Variants in PLCXD3 observed in about 807,000 individuals in gnomAD.
The protein encoded by PLCXD3 is phosphatidylinositol specific phospholipase C X domain containing 3, also known as PI-PLC X domain-containing protein 3.
Under a neutral mutation model 25.5 loss-of-function variants are expected in PLCXD3, and 19 were observed. The observed-to-expected ratio is 0.75, with a 90% CI of 0.52 to 1.09. The LOEUF (loss-of-function observed/expected upper bound fraction) is 1.09, where lower values mean the gene tolerates loss of function less well. Among genes scored for constraint, PLCXD3 ranks in the 50% least tolerant of loss-of-function variants. PLCXD3 has a pLI of 0.00. For synonymous variants in PLCXD3, 174 were observed against 137.6 expected (o/e 1.26, Z -1.85); for missense variants, 411 against 388.1 (o/e 1.06, Z -0.50).
chr5:41,435,901 C>T (rs926770537), intron 1 of PLCXD3, among the ~76,000 whole-genome samples: 2 of 152,194 alleles, frequency 1.3e-5, no homozygotes, highest in African/African-American at 2.4e-5. Context: ...CCTCTGTGGC[C>T]TCATAGCCCT....
chr5:41,405,774 T>G (rs1246163007), intron 1 of PLCXD3, among the ~76,000 whole-genome samples: 1 of 151,976 alleles, frequency 6.6e-6, no homozygotes, highest in Admixed American at 6.6e-5. Context: ...TATTTGTTTG[T>G]TTTGTTTTGT....
At chr5:41,327,898 C>T (rs6897476) in intron 2 of PLCXD3, among the ~76,000 whole-genome samples, 18,728 of 151,998 alleles carry the variant, frequency 0.12, 1,239 homozygotes, top group Middle Eastern at 0.13. Context: ...CTCGAACTCC[C>T]GGACTCAAGC....
At chr5:41,495,698 A>G (rs1474091579) in intron 1 of PLCXD3, among the ~76,000 whole-genome samples, 2 of 152,242 alleles carry the variant, frequency 1.3e-5, no homozygotes, top group African/African-American at 4.8e-5. Flanking sequence ...GGCCTAGAGA[A>G]GACACATCAC....
At chr5:41,487,308 C>A (rs539093471) in intron 1 of PLCXD3, among the ~76,000 whole-genome samples, 1 of 152,090 alleles carries the variant, frequency 6.6e-6, no homozygotes, top group African/African-American at 2.4e-5. Flanking sequence ...TCAGTGTGGG[C>A]TTCTTGAAAG....
chr5:41,424,882 G>T (rs144100646), intron 1 of PLCXD3, among the ~76,000 whole-genome samples: 1 of 152,068 alleles, frequency 6.6e-6, no homozygotes, highest in Non-Finnish European at 1.5e-5. Flanking sequence ...CATCAAGCTT[G>T]TTTATTGTCT....
intron 2 of PLCXD3, among the ~76,000 whole-genome samples, chr5:41,314,541 A>G (rs181196759): frequency 2.0e-5 from 3 of 152,236 alleles, no homozygotes; most frequent in Non-Finnish European, 2.9e-5. Flanking sequence ...AGAGATGCAG[A>G]TTGCATTTTA....
intron 1 of PLCXD3, among the ~76,000 whole-genome samples, chr5:41,494,033 C>G (rs966326783): frequency 1.3e-5 from 2 of 152,240 alleles, no homozygotes; most frequent in African/African-American, 4.8e-5. Context: ...CTGCGTTGCT[C>G]ACGCTGGGAG....
chr5:41,410,944 C>A (rs900000584), intron 1 of PLCXD3, among the ~76,000 whole-genome samples: 3 of 152,254 alleles, frequency 2.0e-5, no homozygotes, highest in East Asian at 1.9e-4. Flanking sequence ...GCAGACCCTG[C>A]AGTTTGGGGC....
intron 1 of PLCXD3, among the ~76,000 whole-genome samples, chr5:41,458,693 T>C (rs1175630286): frequency 1.3e-5 from 2 of 151,850 alleles, no homozygotes. Context: ...TCTTAGCACC[T>C]TGAGGTCACA....
At chr5:41,350,499 TC>T (rs1304641883) in intron 2 of PLCXD3, among the ~76,000 whole-genome samples, 1 of 152,178 alleles carries the variant, frequency 6.6e-6, no homozygotes, top group Non-Finnish European at 1.5e-5. Flanking sequence ...TGGAATTCTT[TC>T]TTCTTAGAGT....
At chr5:41,370,289 G>A (rs1480653468) in intron 2 of PLCXD3, among the ~76,000 whole-genome samples, 2 of 152,266 alleles carry the variant, frequency 1.3e-5, no homozygotes, top group African/African-American at 4.8e-5. Context: ...GAAGATCTGT[G>A]CTGTAATCAA....
chr5:41,497,557 G>C (rs1598736), intron 1 of PLCXD3, among the ~76,000 whole-genome samples: 1,837 of 151,842 alleles, frequency 0.012, 42 homozygotes, highest in African/African-American at 0.042. Flanking sequence ...AGAACTGAAG[G>C]AAGAGATAGG....
chr5:41,382,421 T>C lies in PLCXD3; in HGVS notation c.217A>G (p.Met73Val). Residue 73 changes from methionine to valine, a missense_variant, in exon 2 of 3, where the codon ATG (methionine) becomes GTG (valine). By Grantham distance (21) the Met-to-Val change is conservative (BLOSUM62 1). Coordinates refer to ENST00000377801, the MANE Select transcript of PLCXD3 (RefSeq NM_001005473.3). Reference sequence around the variant, plus strand: ...GTCTGAGTGGCTAACCATTTCCGCATGAGCTTTTTGGCCACAGTTCCAAAC... The same window carrying C: ...GTCTGAGTGGCTAACCATTTCCGCACGAGCTTTTTGGCCACAGTTCCAAAC... ...SVFGTVAKKL[M>V]RKWLATQTMN... is the part of the protein sequence containing the mutation. 1.9e-6 allele frequency: 3 copies of C among 1,613,522 alleles called. No homozygotes were observed. Among genetic ancestry groups the C allele is most frequent in the Non-Finnish European group, 1.7e-6 (2 of 1,179,698 alleles).
intron 1 of PLCXD3, among the ~76,000 whole-genome samples, chr5:41,486,183 T>C (rs1170394017): frequency 6.6e-6 from 1 of 152,140 alleles, no homozygotes; most frequent in African/African-American, 2.4e-5. Context: ...GTAGATATCA[T>C]ACAATGAAGT....
At chr5:41,432,851 AG>A (rs1219218712) in intron 1 of PLCXD3, among the ~76,000 whole-genome samples, 1 of 152,250 alleles carries the variant, frequency 6.6e-6, no homozygotes, top group African/African-American at 2.4e-5. Context: ...ACCTATTTAC[AG>A]GTTGAATAGA....
chr5:41,414,447 G>T (rs990686788), intron 1 of PLCXD3, among the ~76,000 whole-genome samples: 23 of 152,144 alleles, frequency 1.5e-4, no homozygotes, highest in African/African-American at 5.6e-4. Flanking sequence ...GATGGAAAAA[G>T]AGAAGTAACT....
chr5:41,331,119 T>A (rs1247216637), intron 2 of PLCXD3, among the ~76,000 whole-genome samples: 1 of 152,154 alleles, frequency 6.6e-6, no homozygotes, highest in Non-Finnish European at 1.5e-5. Context: ...GAGAAGGAAA[T>A]CAAGGGTATT....
rs74490341 is a variant in PLCXD3 at position 41,439,432 on chromosome 5, G to A, written c.104-56898C>T. ...TCCATCCAATGAGATGTAAGCCAAA[G>A]TATTATGTATTATTTGGGATTTTCA... On this transcript the variant is annotated intron_variant, in intron 1 of 2. Coordinates refer to ENST00000377801, the MANE Select transcript of PLCXD3 (RefSeq NM_001005473.3). 3.1e-3 allele frequency among the ~76,000 whole-genome samples: 476 copies of A among 152,124 alleles called. 7 individuals carry two copies. Among genetic ancestry groups the A allele is most frequent in the African/African-American group, 0.011 (455 of 41,518 alleles).
chr5:41,322,729 C>G (rs1391246812), intron 2 of PLCXD3, among the ~76,000 whole-genome samples: 1 of 152,134 alleles, frequency 6.6e-6, no homozygotes, highest in Non-Finnish European at 1.5e-5. Flanking sequence ...GTAATTCTAG[C>G]ACTTTGGGAG....
Sources: gnomAD v4.1 joint callset for allele counts (sites outside exome capture counted in the v4.1 genomes callset) on GRCh38, gnomAD v4.1.1 for gene constraint, MANE v1.5 for transcripts, NCBI Gene and HGNC (gene_info 2026-07-23, HGNC 2026-07-21) for gene names.